Variants in HHIP observed in about 807,000 individuals in gnomAD.
The protein encoded by HHIP is hedgehog-interacting protein.
In HHIP, 12 loss-of-function variants were observed where a neutral mutation model predicts 74.0. The ratio of observed to expected loss-of-function variants is 0.16; its 90% CI spans 0.10 to 0.26. The LOEUF (loss-of-function observed/expected upper bound fraction) is 0.26, where lower values mean the gene tolerates loss of function less well. Ranked by LOEUF, HHIP falls within the 10% of genes least tolerant of loss-of-function variation. HHIP has a pLI of 1.00. For missense variants in HHIP, 788 were observed against 845.0 expected (o/e 0.93, Z 0.84); for synonymous variants, 309 against 311.6 (o/e 0.99, Z 0.09).
intron 8 of HHIP, among the ~76,000 whole-genome samples, chr4:144,713,785 T>A (rs575664940): frequency 6.6e-6 from 1 of 152,316 alleles, no homozygotes; most frequent in South Asian, 2.1e-4. Context: ...TTCATTAAAG[T>A]GTAGGCTTTT....
chr4:144,689,848 G>A (rs1047748665), intron 4 of HHIP, among the ~76,000 whole-genome samples: 10 of 151,680 alleles, frequency 6.6e-5, no homozygotes, highest in Admixed American at 1.3e-4. Context: ...TCGCCCTGTC[G>A]CCCAGGCTGG....
In HHIP at chr4:144,658,893, A is replaced by G. The variant is rs1288911233; in HGVS notation, c.576A>G (p.Ala192=). 3 of 1,613,578 alleles carry G rather than the reference A, an allele frequency of 1.9e-6. No individual in the cohort carries two copies. Among genetic ancestry groups the G allele is most frequent in the African/African-American group, 1.3e-5 (1 of 74,926 alleles). The change falls in exon 3 of 13, where the codon GCA becomes GCG. Residue 192 remains alanine (A), a synonymous_variant. Transcript: ENST00000296575. ...DFPRKQVRGP[A]SNYLDQMEEY... is the part of the protein sequence containing the mutation. ...CAAGAAAACAAGTCAGAGGACCAGCATCTAACTACTTGGACCAGATGGAAG... is the reference window on the plus strand; with the variant it reads ...CAAGAAAACAAGTCAGAGGACCAGCGTCTAACTACTTGGACCAGATGGAAG...
At chr4:144,726,357 G>A (rs1730807390) in intron 11 of HHIP, among the ~76,000 whole-genome samples, 1 of 152,012 alleles carries the variant, frequency 6.6e-6, no homozygotes, top group African/African-American at 2.4e-5. Flanking sequence ...TATTATATTT[G>A]CATTATGTGC....
chr4:144,734,786 G>C lies in HHIP; in HGVS notation c.1806G>C (p.Gln602His). Residue 602 changes from glutamine (Q) to histidine (H), a missense_variant, in exon 12 of 13, where the codon CAG becomes CAC. Physicochemically the swap from Gln to His is conservative, Grantham distance 24. Transcript: ENST00000296575. ...EECRATVQPA[Q>H]TLTSECSRLC... ...GCAGAGCCACGGTACAACCTGCACAGACACTGACTTCAGAGTGCTCCAGGC... is the reference window on the plus strand; with the variant it reads ...GCAGAGCCACGGTACAACCTGCACACACACTGACTTCAGAGTGCTCCAGGC... The C allele has an allele frequency of 1.2e-6, 2 of 1,611,610 alleles. No homozygotes were observed. The highest frequency in any genetic ancestry group is 1.3e-5 in the African/African-American group (1 of 75,002).
chr4:144,667,963 A>G (rs1046308835), intron 4 of HHIP, among the ~76,000 whole-genome samples: 3 of 152,186 alleles, frequency 2.0e-5, no homozygotes, highest in African/African-American at 7.2e-5. Context: ...TAAAATTAAC[A>G]TGAAATGGAT....
intron 4 of HHIP, among the ~76,000 whole-genome samples, chr4:144,665,381 G>A (rs1422970338): frequency 6.6e-6 from 1 of 152,144 alleles, no homozygotes; most frequent in Non-Finnish European, 1.5e-5. Flanking sequence ...GTTTTCGACT[G>A]CAGTTATTTC....
chr4:144,710,937 G>A (rs1730280163), intron 7 of HHIP, among the ~76,000 whole-genome samples: 1 of 152,130 alleles, frequency 6.6e-6, no homozygotes, highest in Admixed American at 6.5e-5. Context: ...CCCAACCCAA[G>A]CTCCTCATAC....
intron 10 of HHIP, among the ~76,000 whole-genome samples, chr4:144,718,176 T>C (rs963718125): frequency 6.6e-6 from 1 of 152,048 alleles, no homozygotes; most frequent in African/African-American, 2.4e-5. Flanking sequence ...GAAGAGGAAT[T>C]TGTTGGGAGT....
At chr4:144,669,071 T>C (rs1434391097) in intron 4 of HHIP, among the ~76,000 whole-genome samples, 1 of 151,610 alleles carries the variant, frequency 6.6e-6, no homozygotes, top group East Asian at 1.9e-4. Flanking sequence ...TGTTTTCAAT[T>C]ACTACATTTT....
Position 144,714,359 on chromosome 4 carries a change from T to C in HHIP, c.1547+11T>C, listed in dbSNP as rs200779810. On this transcript the variant is annotated intron_variant, in intron 9 of 12. Transcript: ENST00000296575. ...TGGAGATCGTAATGGGTAGGTTTCC[T>C]GATACCACAACAGTATGATATACCA... The C allele has an allele frequency of 2.5e-6, 4 of 1,613,004 alleles. No homozygotes were observed. The highest frequency in any genetic ancestry group is 3.4e-6 in the Non-Finnish European group (4 of 1,179,226).
At chr4:144,711,457 T>C (rs1730301211) in intron 7 of HHIP, among the ~76,000 whole-genome samples, 1 of 152,090 alleles carries the variant, frequency 6.6e-6, no homozygotes, top group South Asian at 2.1e-4. Context: ...CCCGTATGCG[T>C]TAGGTATTTG....
chr4:144,694,541 C>T (rs960731582), intron 4 of HHIP, among the ~76,000 whole-genome samples: 2 of 151,662 alleles, frequency 1.3e-5, no homozygotes, highest in Non-Finnish European at 3.0e-5. Flanking sequence ...AGCTGCATGA[C>T]CAGCATATTA....
rs370656495 is a variant in HHIP at position 144,646,771 on chromosome 4, C to A, written c.96C>A (p.Ser32Arg). Residue 32 changes from serine (S) to arginine (R), a missense_variant, in exon 1 of 13, where the codon AGC becomes AGA. Physicochemically the swap from Ser to Arg is moderately radical, Grantham distance 110. Coordinates refer to ENST00000296575, the MANE Select transcript of HHIP (RefSeq NM_022475.3). ...AGTTTGGGGAAAGAAACGAAGGGAGCGGAGCAAGGAGGAGAAGGTGCCTGA... is the reference window on the plus strand; with the variant it reads ...AGTTTGGGGAAAGAAACGAAGGGAGAGGAGCAAGGAGGAGAAGGTGCCTGA... Reference protein sequence around the residue: ...DAKFGERNEGSGARRRRCLNG... With the variant: ...DAKFGERNEGRGARRRRCLNG... 3 of 1,614,038 alleles carry A rather than the reference C, an allele frequency of 1.9e-6. No individual in the cohort carries two copies. The highest frequency in any genetic ancestry group is 2.5e-6 in the Non-Finnish European group (3 of 1,180,038).
At chr4:144,657,640 G>C (rs920003046) in intron 2 of HHIP, among the ~76,000 whole-genome samples, 4 of 151,924 alleles carry the variant, frequency 2.6e-5, no homozygotes, top group Non-Finnish European at 5.9e-5. Flanking sequence ...TTGCCATAAA[G>C]TTATTTCCTT....
intron 4 of HHIP, among the ~76,000 whole-genome samples, chr4:144,669,566 A>G (rs905820375): frequency 6.6e-6 from 1 of 152,216 alleles, no homozygotes; most frequent in Admixed American, 6.5e-5. Context: ...TAAAAATAAC[A>G]ACTTGTTTAA....
At chr4:144,647,012 C>T in intron 1 of HHIP, 58 bp downstream of exon 1, 1 of 1,473,856 alleles carries the variant, frequency 6.8e-7, no homozygotes, top group Non-Finnish European at 9.1e-7. Flanking sequence ...GTGGGGTTCC[C>T]TGTGGCTCTG....
chr4:144,692,979 A>G (rs1325797163), intron 4 of HHIP, among the ~76,000 whole-genome samples: 1 of 152,162 alleles, frequency 6.6e-6, no homozygotes, highest in East Asian at 1.9e-4. Flanking sequence ...AATCTGACAC[A>G]TGAGGACATG....
intron 4 of HHIP, among the ~76,000 whole-genome samples, chr4:144,694,452 A>G (rs985823096): frequency 4.0e-5 from 6 of 151,786 alleles, no homozygotes. Flanking sequence ...CATAATGGCT[A>G]AGAGTAGTGA....
At chr4:144,652,330 T>C (rs1256524615) in intron 1 of HHIP, among the ~76,000 whole-genome samples, 3 of 152,056 alleles carry the variant, frequency 2.0e-5, no homozygotes, top group Non-Finnish European at 4.4e-5. Context: ...TAATTGCCTT[T>C]TAATTTTTCA....
Sources: gnomAD v4.1 joint callset for allele counts (sites outside exome capture counted in the v4.1 genomes callset) on GRCh38, gnomAD v4.1.1 for gene constraint, MANE v1.5 for transcripts, NCBI Gene and HGNC (gene_info 2026-07-23, HGNC 2026-07-21) for gene names.